Variants in MDGA2 observed in about 807,000 individuals in gnomAD.
MDGA2 encodes the protein MAM domain-containing glycosylphosphatidylinositol anchor protein 2.
In MDGA2, 40 loss-of-function variants were observed where a neutral mutation model predicts 117.8. The observed-to-expected ratio is 0.34, with a 90% CI of 0.26 to 0.44. The LOEUF is 0.44. Among genes scored for constraint, MDGA2 ranks in the 20% least tolerant of loss-of-function variants. The pLI, the probability that MDGA2 is intolerant of heterozygous loss-of-function variation, is 1.00. For missense variants in MDGA2, 1,123 were observed against 1,250.6 expected, an observed-to-expected ratio of 0.90 and a Z score of 1.54; for synonymous variants, 452 against 439.0, an observed-to-expected ratio of 1.03 and a Z score of -0.37.
chr14:47,312,944 A>T (rs925943082), intron 1 of MDGA2, among the ~76,000 whole-genome samples: 1 of 148,734 alleles, frequency 6.7e-6, no homozygotes, highest in South Asian at 2.1e-4. Flanking sequence ...ATATATATAA[A>T]CCTATTTTCT....
chr14:46,924,402 G>A (rs1052500435), intron 9 of MDGA2, among the ~76,000 whole-genome samples: 1 of 151,930 alleles, frequency 6.6e-6, no homozygotes, highest in African/African-American at 2.4e-5. Flanking sequence ...AGTCAATACA[G>A]ATTTTGAAAT....
chr14:47,240,401 G>T (rs1356727519), intron 2 of MDGA2, among the ~76,000 whole-genome samples: 2 of 151,706 alleles, frequency 1.3e-5, no homozygotes, highest in Non-Finnish European at 2.9e-5. Flanking sequence ...TCTTGAACCG[G>T]GTTATAGGAG....
intron 5 of MDGA2, among the ~76,000 whole-genome samples, chr14:47,106,924 A>G (rs1880727786): frequency 7.9e-6 from 1 of 126,526 alleles, no homozygotes; most frequent in Admixed American, 8.0e-5. Flanking sequence ...AGTTATCCCC[A>G]CCTGCCCAGT....
intron 1 of MDGA2, among the ~76,000 whole-genome samples, chr14:47,625,435 A>G (rs1194424091): frequency 6.6e-6 from 1 of 152,212 alleles, no homozygotes; most frequent in Non-Finnish European, 1.5e-5. Flanking sequence ...TCACATACCA[A>G]TGCTGATGCT....
intron 1 of MDGA2, among the ~76,000 whole-genome samples, chr14:47,506,911 A>G (rs1048051057): frequency 1.3e-5 from 2 of 151,474 alleles, no homozygotes; most frequent in Non-Finnish European, 2.9e-5. Context: ...ATGGCTCTGG[A>G]TGCCAGCGTG....
chr14:47,052,764 T>C (rs1889502381), intron 7 of MDGA2, among the ~76,000 whole-genome samples: 1 of 151,940 alleles, frequency 6.6e-6, no homozygotes, highest in Non-Finnish European at 1.5e-5. Flanking sequence ...GTGTCTATAA[T>C]GCTACCTGTG....
At chr14:47,438,319 C>G (rs10140014) in intron 1 of MDGA2, among the ~76,000 whole-genome samples, 61,001 of 151,924 alleles carry the variant, frequency 0.4, 12,394 homozygotes, top group South Asian at 0.57. Flanking sequence ...AACAGCATAC[C>G]GAAAGTTACT....
intron 1 of MDGA2, among the ~76,000 whole-genome samples, chr14:47,429,936 G>A (rs1892765525): frequency 6.7e-6 from 1 of 149,180 alleles, no homozygotes; most frequent in Non-Finnish European, 1.5e-5. Context: ...TGACTGAAAA[G>A]GAGGTCTGGA....
intron 1 of MDGA2, among the ~76,000 whole-genome samples, chr14:47,421,248 G>A (rs1358393561): frequency 1.3e-5 from 2 of 152,078 alleles, no homozygotes; most frequent in African/African-American, 4.8e-5. Context: ...TATTCAAAGG[G>A]AGTCAAAGAT....
intron 4 of MDGA2, among the ~76,000 whole-genome samples, chr14:47,138,665 C>T (rs1312468667): frequency 6.6e-6 from 1 of 152,000 alleles, no homozygotes; most frequent in Non-Finnish European, 1.5e-5. Flanking sequence ...TTCCATATTA[C>T]TTATAAAATA....
intron 2 of MDGA2, among the ~76,000 whole-genome samples, chr14:47,300,542 T>C (rs1404294953): frequency 6.6e-6 from 1 of 151,596 alleles, no homozygotes; most frequent in East Asian, 1.9e-4. Context: ...CAGACTGGAG[T>C]GTGGTGGTAC....
intron 2 of MDGA2, among the ~76,000 whole-genome samples, chr14:47,290,632 T>A (rs1448437474): frequency 6.6e-6 from 1 of 152,062 alleles, no homozygotes; most frequent in East Asian, 1.9e-4. Context: ...TAATTCTGAA[T>A]CACAGTTAAG....
At chr14:47,553,437 A>AAAT (rs1895624180) in intron 1 of MDGA2, among the ~76,000 whole-genome samples, 1 of 152,216 alleles carries the variant, frequency 6.6e-6, no homozygotes, top group South Asian at 2.1e-4. Flanking sequence ...TGAATAGATA[A>AAAT]TTAACTTGTT....
chr14:46,845,671 T>A (rs1594990037), intron 16 of MDGA2, 95 bp downstream of exon 16: 16 of 470,736 alleles, frequency 3.4e-5, no homozygotes, highest in Non-Finnish European at 5.3e-5. Context: ...CAACTAAAAA[T>A]AACTCCGTTT....
chr14:46,926,587 C>T (rs1194257889), intron 9 of MDGA2, among the ~76,000 whole-genome samples: 4 of 152,006 alleles, frequency 2.6e-5, no homozygotes, highest in African/African-American at 4.8e-5. Context: ...TAAAAATATA[C>T]GCAGCTCTCT....
At chr14:47,241,248 G>A (rs900654437) in intron 2 of MDGA2, among the ~76,000 whole-genome samples, 3 of 151,842 alleles carry the variant, frequency 2.0e-5, no homozygotes, top group Non-Finnish European at 2.9e-5. Context: ...TAATCCTAAC[G>A]AAAGCTAAGT....
At chr14:46,843,285 T>G (rs1040346875) in intron 16 of MDGA2, among the ~76,000 whole-genome samples, 36 of 152,298 alleles carry the variant, frequency 2.4e-4, no homozygotes, top group African/African-American at 8.2e-4. Flanking sequence ...ATAATTTCCT[T>G]TGCTTTCTTC....
chr14:47,314,975 G>A (rs547633081), intron 1 of MDGA2, among the ~76,000 whole-genome samples: 2 of 152,190 alleles, frequency 1.3e-5, no homozygotes, highest in Admixed American at 6.5e-5. Context: ...CTAGAGGGAC[G>A]TTAACTAGAA....
At chr14:46,849,411 C>A (rs1469730778) in intron 15 of MDGA2, among the ~76,000 whole-genome samples, 1 of 151,818 alleles carries the variant, frequency 6.6e-6, no homozygotes, top group Non-Finnish European at 1.5e-5. Flanking sequence ...CTCTTGACTA[C>A]AATTATATTT....
Sources: allele counts gnomAD v4.1 joint callset (sites outside exome capture counted in the v4.1 genomes callset), GRCh38; gene constraint gnomAD v4.1.1; transcripts MANE v1.5; gene names NCBI Gene and HGNC (gene_info 2026-07-23, HGNC 2026-07-21).